Variants in ARHGEF12 observed in about 807,000 individuals in gnomAD.
ARHGEF12 encodes the protein KMT2A/ARHGEF12 fusion protein.
ARHGEF12 carries 66 observed loss-of-function variants against 211.2 expected under a neutral mutation model. That is an observed-to-expected ratio of 0.31 (90% CI 0.26 to 0.38). ARHGEF12 has a LOEUF of 0.38. Ranked by LOEUF, ARHGEF12 falls within the 10% of genes least tolerant of loss-of-function variation. The probability of loss-of-function intolerance (pLI) is 1.00; values close to 1 mark genes in which losing one functional copy is unlikely to be tolerated. For synonymous variants in ARHGEF12, 592 were observed against 638.4 expected (o/e 0.93, Z 1.09); for missense variants, 1,429 against 1,869.5 (o/e 0.76, Z 4.34).
At chr11:120,476,527 T>C (rs1210541839) in intron 33 of ARHGEF12, 134 bp from the exon 34 acceptor site, 1 of 494,926 alleles carries the variant, frequency 2.0e-6, no homozygotes, top group East Asian at 3.1e-5. Flanking sequence ...TAAGTGTACA[T>C]CTTGATGAAT....
rs1251570180 is a variant in ARHGEF12 at position 120,488,418 on chromosome 11, C to A, written c.*3341C>A. ...GTCAGCTTCCTCATGGCTAGTTTTTCCCCCTTATATTACAATTTTTGTTTT... is the reference window on the plus strand; with the variant it reads ...GTCAGCTTCCTCATGGCTAGTTTTTACCCCTTATATTACAATTTTTGTTTT... On this transcript the variant is annotated 3_prime_UTR_variant, in exon 41 of 41. Coordinates refer to ENST00000397843, the MANE Select transcript of ARHGEF12 (RefSeq NM_015313.3). The A allele has an allele frequency of 4.6e-6, 1 of 216,192 alleles. No homozygotes were observed. Among genetic ancestry groups the A allele is most frequent in the South Asian group, 1.9e-4 (1 of 5,340 alleles). 13.4% of individuals were successfully genotyped at this position (216,192 alleles called of 1,614,324 possible).
At chr11:120,375,680 T>G (rs938161184) in intron 1 of ARHGEF12, among the ~76,000 whole-genome samples, 14 of 152,096 alleles carry the variant, frequency 9.2e-5, no homozygotes, top group African/African-American at 2.7e-4. Context: ...ATATTACATT[T>G]GTGTGGTACA....
At chr11:120,375,418 G>T (rs1452840442) in intron 1 of ARHGEF12, among the ~76,000 whole-genome samples, 1 of 151,918 alleles carries the variant, frequency 6.6e-6, no homozygotes, top group African/African-American at 2.4e-5. Flanking sequence ...TTAAAAAAAA[G>T]AGCTTTACAA....
At chr11:120,407,602 A>C in intron 2 of ARHGEF12, 136 bp from the exon 3 acceptor site, 1 of 563,858 alleles carries the variant, frequency 1.8e-6, no homozygotes, top group African/African-American at 1.9e-5. Context: ...AAAAATGTAA[A>C]TTAGAGAGGC....
At chr11:120,473,842 A>C (rs11217881) in intron 31 of ARHGEF12, among the ~76,000 whole-genome samples, 1 of 152,304 alleles carries the variant, frequency 6.6e-6, no homozygotes, top group Admixed American at 6.5e-5. Flanking sequence ...AATGTTTACT[A>C]ATTGCCACTT....
chr11:120,446,618 T>A (rs1338935890), intron 17 of ARHGEF12, 110 bp downstream of exon 17: 5 of 802,026 alleles, frequency 6.2e-6, no homozygotes, highest in Non-Finnish European at 7.8e-6. Flanking sequence ...AACCATATGG[T>A]CTTATTGTTA....
intron 6 of ARHGEF12, among the ~76,000 whole-genome samples, chr11:120,423,136 A>G (rs1006239711): frequency 3.9e-5 from 6 of 152,190 alleles, no homozygotes; most frequent in Admixed American, 2.0e-4. Flanking sequence ...ACTGAAATAC[A>G]TAACATATTA....
chr11:120,465,489 C>CCCTGTCTCAAA, intron 28 of ARHGEF12, 127 bp downstream of exon 28: 1 of 1,206,466 alleles, frequency 8.3e-7, no homozygotes, highest in Non-Finnish European at 1.1e-6. Context: ...TTTTTTGAGA[C>CCCTGTCTCAAA]AGGGTCTCGC....
At chr11:120,353,074 A>G (rs954997980) in intron 1 of ARHGEF12, among the ~76,000 whole-genome samples, 15 of 152,184 alleles carry the variant, frequency 9.9e-5, no homozygotes, top group East Asian at 3.9e-4. Context: ...GGAACCATCA[A>G]TTAATCTCAT....
intron 22 of ARHGEF12, among the ~76,000 whole-genome samples, chr11:120,454,026 G>A (rs1249702661): frequency 1.3e-5 from 2 of 152,170 alleles, no homozygotes; most frequent in Non-Finnish European, 2.9e-5. Flanking sequence ...ATAATTCAGT[G>A]AATTGTGTAG....
intron 11 of ARHGEF12, among the ~76,000 whole-genome samples, chr11:120,435,979 A>G (rs1017262977): frequency 1.3e-5 from 2 of 152,270 alleles, no homozygotes; most frequent in African/African-American, 4.8e-5. Context: ...ACTAGCTAAT[A>G]GGTTACCCTA....
intron 21 of ARHGEF12, chr11:120,450,722 T>C (rs1370457850): frequency 1.3e-5 from 2 of 152,042 alleles, no homozygotes; most frequent in Non-Finnish European, 2.9e-5. Flanking sequence ...GGATGGGGAT[T>C]GGTCTGGATG....
chr11:120,469,515 G>A, intron 30 of ARHGEF12, 127 bp downstream of exon 30: 1 of 786,030 alleles, frequency 1.3e-6, no homozygotes, highest in Non-Finnish European at 2.0e-6. Flanking sequence ...TTTGTTTACT[G>A]TTCGCATAGT....
chr11:120,487,268 T>C lies in ARHGEF12; in HGVS notation c.*2191T>C. On this transcript the variant is annotated 3_prime_UTR_variant, in exon 41 of 41. Transcript: ENST00000397843. ...GTCCTTAGTAATTATTTGCTTTCCC[T>C]GCAGTTCAATTTCTCCTTGGAACTC... 4.6e-6 allele frequency: 1 copy of C among 219,358 alleles called. No individual in the cohort carries two copies. The highest frequency in any genetic ancestry group is 9.1e-6 in the Non-Finnish European group (1 of 109,364). 13.6% of individuals were successfully genotyped at this position (219,358 alleles called of 1,614,324 possible). A position where few individuals can be genotyped will look rare whatever the true frequency, so the allele number is the denominator to read the frequency against.
chr11:120,407,652 C>T, intron 2 of ARHGEF12, 86 bp from the exon 3 acceptor site: 2 of 979,328 alleles, frequency 2.0e-6, no homozygotes, highest in Admixed American at 2.0e-5. Flanking sequence ...CCTGGTTTTT[C>T]TTGTAAGATC....
At chr11:120,476,588 C>T in intron 33 of ARHGEF12, 73 bp from the exon 34 acceptor site, 1 of 1,051,086 alleles carries the variant, frequency 9.5e-7, no homozygotes. Flanking sequence ...CAGACTATTT[C>T]AAGACCCTAA....
Position 120,488,322 on chromosome 11 carries a change from T to C in ARHGEF12, c.*3245T>C, listed in dbSNP as rs1947448619. ...GCTTTGGTCAGTATTTCCTTCCCTA[T>C]ATGTCACAGAGGGCACCACTGAGAA... On this transcript the variant is annotated 3_prime_UTR_variant, in exon 41 of 41. Coordinates refer to ENST00000397843, the MANE Select transcript of ARHGEF12 (RefSeq NM_015313.3). The C allele has an allele frequency of 4.7e-6, 1 of 214,078 alleles. No individual in the cohort carries two copies. Among genetic ancestry groups the C allele is most frequent in the Admixed American group, 5.8e-5 (1 of 17,166 alleles). The allele number at this position is 214,078 out of a possible 1,614,324, so 13.3% of individuals were successfully genotyped here.
chr11:120,471,026 G>C (rs1946849719), intron 30 of ARHGEF12, among the ~76,000 whole-genome samples: 1 of 152,070 alleles, frequency 6.6e-6, no homozygotes, highest in Non-Finnish European at 1.5e-5. Flanking sequence ...GTGCCTGCCG[G>C]GAATGGCACA....
intron 3 of ARHGEF12, 129 bp downstream of exon 3, chr11:120,407,952 A>G (rs917756973): frequency 1.4e-6 from 1 of 714,244 alleles, no homozygotes; most frequent in Non-Finnish European, 2.3e-6. Context: ...TCCTCCAATT[A>G]TATCATAATA....
Sources: gnomAD v4.1 joint callset for allele counts (sites outside exome capture counted in the v4.1 genomes callset) on GRCh38, gnomAD v4.1.1 for gene constraint, MANE v1.5 for transcripts, NCBI Gene and HGNC (gene_info 2026-07-23, HGNC 2026-07-21) for gene names.